Variants in AKR7A2 observed in about 807,000 individuals in gnomAD.
AKR7A2 encodes the protein aldo-keto reductase family 7 member A2.
A neutral mutation model predicts 37.3 loss-of-function variants in AKR7A2; 29 were observed. The observed-to-expected ratio is 0.78, with a 90% CI of 0.58 to 1.06. AKR7A2 has a LOEUF of 1.06. AKR7A2 is among the 50% of genes least tolerant of loss of function. The pLI, the probability that AKR7A2 is intolerant of heterozygous loss-of-function variation, is 0.00. For missense variants in AKR7A2, 529 were observed against 497.9 expected (o/e 1.06, Z -0.59); for synonymous variants, 228 against 217.8 (o/e 1.05, Z -0.41).
intron 1 of AKR7A2, 58 bp downstream of exon 1, chr1:19,311,769 G>A: frequency 1.2e-6 from 2 of 1,603,444 alleles, no homozygotes; most frequent in Non-Finnish European, 1.7e-6. Flanking sequence ...GGTGGTGCAC[G>A]GCTGGGGACA....
chr1:19,308,282 G>T lies in AKR7A2; in HGVS notation c.487-20C>A, dbSNP rs2093765677. 1 of 1,614,162 alleles carries T rather than the reference G, an allele frequency of 6.2e-7. No individual in the cohort carries two copies. Among genetic ancestry groups the T allele is most frequent in the Non-Finnish European group, 8.5e-7 (1 of 1,179,984 alleles). ...CTTGCCCTGCATGGGTGAGGCTCCA[G>T]TCAGAACGCAGTGTAGCCCAGACCA... On this transcript the variant is annotated intron_variant, in intron 2 of 6. Transcript: ENST00000235835.
At chr1:19,302,794 G>A (rs1020805903), downstream of AKR7A2, among the ~76,000 whole-genome samples, 2 of 151,430 alleles carry the variant, frequency 1.3e-5, no homozygotes, top group African/African-American at 4.9e-5. Context: ...GGGCCCAGGC[G>A]ATCCTCCCAC....
At chr1:19,311,006 A>T (rs1273725440) in intron 1 of AKR7A2, among the ~76,000 whole-genome samples, 2 of 152,122 alleles carry the variant, frequency 1.3e-5, no homozygotes, top group African/African-American at 4.8e-5. Flanking sequence ...TTCACACATC[A>T]CGCACATTGC....
chr1:19,307,311 T>C lies in AKR7A2; in HGVS notation c.688+3A>G. ...GAGACAGGGTCAGGAATGCTCCACG[T>C]ACCAGCCAGAGGGTTGTAGGCATAG... is the stretch of plus-strand genomic sequence containing the variant. On this transcript the variant is annotated splice_donor_region_variant and intron_variant, in intron 4 of 6. Transcript: ENST00000235835. The C allele has an allele frequency of 6.2e-7, 1 of 1,613,008 alleles. No individual in the cohort carries two copies. The highest frequency in any genetic ancestry group is 8.5e-7 in the Non-Finnish European group (1 of 1,179,948).
At chr1:19,309,241 G>A (rs2151989695) in intron 1 of AKR7A2, among the ~76,000 whole-genome samples, 1 of 152,304 alleles carries the variant, frequency 6.6e-6, no homozygotes, top group South Asian at 2.1e-4. Context: ...CAAGAGACAG[G>A]GACAGACCTC....
rs185921220 is a variant in AKR7A2, at chr1:19,306,952, T to G, written c.788+50A>C. 14 of 1,530,294 alleles carry G rather than the reference T, an allele frequency of 9.1e-6. No homozygotes were observed. In the African/African-American group the frequency reaches 1.9e-4, roughly 21 times the overall value. 94.8% of individuals were successfully genotyped at this position (1,530,294 alleles called of 1,614,324 possible). A position where few individuals can be genotyped will look rare whatever the true frequency, so the allele number is the denominator to read the frequency against. On this transcript the variant is annotated intron_variant, in intron 5 of 6. Coordinates refer to ENST00000235835, the MANE Select transcript of AKR7A2 (RefSeq NM_003689.4). ...GAACAGCCCAGGACTTCATTCCACA[T>G]AGATTTGACCCCACCCCAGCCATCC...
chr1:19,307,012 A>T lies in AKR7A2; in HGVS notation c.778T>A (p.Tyr260Asn), dbSNP rs1253802836. 2 of 1,614,048 alleles carry T rather than the reference A, an allele frequency of 1.2e-6. No homozygotes were observed. The highest frequency in any genetic ancestry group is 1.7e-5 in the Admixed American group (1 of 60,020). ...CCACCCCCGGCTCACCGATTCCTGT[A>T]GGTCTCAGCCCAGCTATTCCCAAAG... ...RFFGNSWAET[Y>N]RNRFWKEHHF... The change falls in exon 5 of 7, where the codon TAC (tyrosine) becomes AAC (asparagine). Residue 260 changes from tyrosine (Y) to asparagine (N), a missense_variant. Transcript: ENST00000235835.
chr1:19,309,539 G>A (rs1306047032), intron 1 of AKR7A2, among the ~76,000 whole-genome samples: 2 of 152,166 alleles, frequency 1.3e-5, no homozygotes, highest in Non-Finnish European at 2.9e-5. Flanking sequence ...ACACTGTAGG[G>A]ACACATCGCT....
intron 3 of AKR7A2, 115 bp from the exon 4 acceptor site, chr1:19,307,525 A>C: frequency 3.6e-6 from 4 of 1,101,550 alleles, no homozygotes; most frequent in South Asian, 1.3e-5. Flanking sequence ...ATATTCTAAC[A>C]TCACTACTGT....
chr1:19,306,874 C>T (rs1261333920), intron 5 of AKR7A2, 128 bp downstream of exon 5: 4 of 840,468 alleles, frequency 4.8e-6, no homozygotes, highest in African/African-American at 3.3e-5. Context: ...TTGGGAATTC[C>T]TGAAGCAATG....
At chr1:19,305,326 T>G (rs1569686481) in intron 6 of AKR7A2, 2 of 154,378 alleles carry the variant, frequency 1.3e-5, no homozygotes, top group Middle Eastern at 6.7e-3. Flanking sequence ...TTTGTTGCTG[T>G]TATTTTCATT....
chr1:19,304,278 A>T lies in AKR7A2; in HGVS notation c.1027T>A (p.Phe343Ile). ...GPLEPAVVDA[F>I]NQAWHLVAHE... ...GCAACCAAATGCCAGGCTTGATTAA[A>T]GGCATCCACGACAGCCGGCTCCAGG... Residue 343 changes from phenylalanine (F) to isoleucine (I), a missense_variant, in exon 7 of 7, where the codon TTT (phenylalanine) becomes ATT (isoleucine). Coordinates refer to ENST00000235835, the MANE Select transcript of AKR7A2 (RefSeq NM_003689.4). 1 of 1,614,080 alleles carries T rather than the reference A, an allele frequency of 6.2e-7. No homozygotes were observed. Among genetic ancestry groups the T allele is most frequent in the Non-Finnish European group, 8.5e-7 (1 of 1,179,994 alleles).
At position 19,308,647 on chromosome 1, in the gene AKR7A2, G is replaced by A. The variant is rs369475843; in HGVS notation, c.299-5C>T. On this transcript the variant is annotated splice_region_variant and splice_polypyrimidine_tract_variant and intron_variant, in intron 1 of 6. Transcript: ENST00000235835. The stretch of plus-strand genomic sequence containing the variant: ...TGGCCTTGGTGGCAATTTTCACTTG[G>A]AGAGAGAATGGAATGGTTAAGTGAC... 23 of 1,613,798 alleles carry A rather than the reference G, an allele frequency of 1.4e-5. No homozygotes were observed. In the African/African-American group the frequency reaches 2.8e-4, roughly 20 times the overall value.
intron 1 of AKR7A2, 31 bp from the exon 2 acceptor site, chr1:19,308,673 C>T (rs992380195): frequency 5.0e-6 from 8 of 1,601,354 alleles, no homozygotes; most frequent in Non-Finnish European, 6.8e-6. Flanking sequence ...GTTAAGTGAC[C>T]TATTAGAGCC....
At chr1:19,307,941 G>T (rs1279323212) in intron 3 of AKR7A2, 10 of 646,628 alleles carry the variant, frequency 1.5e-5, no homozygotes, top group Non-Finnish European at 2.8e-5. Flanking sequence ...GGGAAGGAAG[G>T]GTCCAAGGTG....
Position 19,307,869 on chromosome 1 carries a change from G to A in AKR7A2, c.591+289C>T. Reference sequence around the variant, plus strand: ...GAGGAGACCTCTATGTAAGGCCTGAGTGCTTCTCCCAGGGAGGAGGGCAGG... The same window carrying A: ...GAGGAGACCTCTATGTAAGGCCTGAATGCTTCTCCCAGGGAGGAGGGCAGG... On this transcript the variant is annotated intron_variant, in intron 3 of 6. Transcript: ENST00000235835. The A allele has an allele frequency of 5.5e-6, 3 of 549,938 alleles. No homozygotes were observed. The South Asian group carries it at 6.0e-5, about 11-fold the overall frequency. 34.1% of individuals were successfully genotyped at this position (549,938 alleles called of 1,614,324 possible).
At chr1:19,308,354 G>GCCCCA in intron 2 of AKR7A2, 92 bp from the exon 3 acceptor site, 2 of 1,595,810 alleles carry the variant, frequency 1.3e-6, no homozygotes, top group Admixed American at 3.5e-5. Context: ...GCTATTCCCT[G>GCCCCA]CCCCACCCTG....
rs2093756765 is a variant in AKR7A2, at chr1:19,304,109, AT to A, written c.*115del. 1 of 1,528,382 alleles carries A rather than the reference AT, an allele frequency of 6.5e-7. No homozygotes were observed. Among genetic ancestry groups the A allele is most frequent in the Admixed American group, 1.7e-5 (1 of 57,854 alleles). 94.7% of individuals were successfully genotyped at this position (1,528,382 alleles called of 1,614,324 possible). A position where few individuals can be genotyped will look rare whatever the true frequency, so the allele number is the denominator to read the frequency against. On this transcript the variant is annotated 3_prime_UTR_variant, in exon 7 of 7. Coordinates refer to ENST00000235835, the MANE Select transcript of AKR7A2 (RefSeq NM_003689.4). Reference sequence around the variant, plus strand: ...AGGCAGGAAGCTAGAAAAATAATGCATGGATCTAGACAATTCAGAAAAACCC... The same window carrying A: ...AGGCAGGAAGCTAGAAAAATAATGCAGGATCTAGACAATTCAGAAAAACCC...
chr1:19,308,701 C>T lies in AKR7A2; in HGVS notation c.299-59G>A. On this transcript the variant is annotated intron_variant, in intron 1 of 6. Coordinates refer to ENST00000235835, the MANE Select transcript of AKR7A2 (RefSeq NM_003689.4). ...TTAGAGCCATTTGCTAACCATGTAACCCTGGCTAAATTACTAATATTCTCT... is the reference window on the plus strand; with the variant it reads ...TTAGAGCCATTTGCTAACCATGTAATCCTGGCTAAATTACTAATATTCTCT... 2.6e-6 allele frequency: 4 copies of T among 1,527,460 alleles called. No homozygotes were observed. The South Asian group carries it at 4.5e-5, about 17-fold the overall frequency. The allele number at this position is 1,527,460 out of a possible 1,614,324, so 94.6% of individuals were successfully genotyped here. A position where few individuals can be genotyped will look rare whatever the true frequency, so the allele number is the denominator to read the frequency against.
Sources: allele counts gnomAD v4.1 joint callset (sites outside exome capture counted in the v4.1 genomes callset), GRCh38; gene constraint gnomAD v4.1.1; transcripts MANE v1.5; gene names NCBI Gene and HGNC (gene_info 2026-07-23, HGNC 2026-07-21).